The following PDS5B variants were observed in gnomAD, a reference collection of about 807,000 sequenced individuals.
The protein encoded by PDS5B is PDS5 cohesin associated factor B, also known as sister chromatid cohesion protein PDS5 homolog B.
A neutral mutation model predicts 184.1 loss-of-function variants in PDS5B; 51 were observed. The ratio of observed to expected loss-of-function variants is 0.28; its 90% CI spans 0.22 to 0.35. The LOEUF is 0.35. Among genes scored for constraint, PDS5B ranks in the 10% least tolerant of loss-of-function variants. The pLI is 1.00. For synonymous variants in PDS5B, 566 were observed against 569.2 expected, an observed-to-expected ratio of 0.99 and a Z score of 0.08; for missense variants, 1,180 against 1,723.3, an observed-to-expected ratio of 0.68 and a Z score of 5.58.
intron 17 of PDS5B, among the ~76,000 whole-genome samples, chr13:32,702,384 C>G (rs922025755): frequency 6.6e-6 from 1 of 152,168 alleles, no homozygotes; most frequent in Admixed American, 6.5e-5. Context: ...GAGGAAGACT[C>G]TGAATCAGAC....
chr13:32,591,537 A>G (rs1432075413), intron 1 of PDS5B, among the ~76,000 whole-genome samples: 1 of 152,200 alleles, frequency 6.6e-6, no homozygotes, highest in Non-Finnish European at 1.5e-5. Context: ...ATTATAACAT[A>G]ATTTATTTTT....
chr13:32,623,294 A>G (rs964309659), intron 1 of PDS5B, among the ~76,000 whole-genome samples: 1 of 152,204 alleles, frequency 6.6e-6, no homozygotes, highest in Admixed American at 6.5e-5. Flanking sequence ...CACTGGCTAC[A>G]TGATTCCTGA....
chr13:32,687,495 C>T lies in PDS5B; in HGVS notation c.1355+210C>T, dbSNP rs1005380138. On this transcript the variant is annotated intron_variant, in intron 12 of 34. Coordinates refer to ENST00000315596, the MANE Select transcript of PDS5B (RefSeq NM_015032.4). ...ACTTTAGGGATGGGTACAGGTTTTA[C>T]GTTCCATTTTCATATACTGTATTTG... Among the ~76,000 whole-genome samples, 8 of 152,172 alleles carry T rather than the reference C, an allele frequency of 5.3e-5. No homozygotes were observed. In the East Asian group the frequency reaches 1.5e-3, roughly 29 times the overall value.
intron 6 of PDS5B, among the ~76,000 whole-genome samples, chr13:32,662,228 A>G (rs545280891): frequency 4.6e-5 from 7 of 152,304 alleles, no homozygotes; most frequent in East Asian, 1.9e-4. Context: ...AGAGTTTTAT[A>G]TAATGAGAAA....
chr13:32,634,042 A>G lies in PDS5B; in HGVS notation c.-19-14712A>G, dbSNP rs372793337. Among the ~76,000 whole-genome samples the G allele has an allele frequency of 1.2e-4, 18 of 152,194 alleles. No homozygotes were observed. The South Asian group carries it at 1.7e-3, about 14-fold the overall frequency. On this transcript the variant is annotated intron_variant, in intron 1 of 34. Coordinates refer to ENST00000315596, the MANE Select transcript of PDS5B (RefSeq NM_015032.4). ...TGTTTTCTGTTATATCCTCTCTTCA[A>G]ATACTCTTATGTTATCTTCCAGTTG...
intron 1 of PDS5B, among the ~76,000 whole-genome samples, chr13:32,612,320 G>A (rs2021658): frequency 0.34 from 51,374 of 151,454 alleles, 8,927 homozygotes; most frequent in Non-Finnish European, 0.38. Context: ...CACTCACCTC[G>A]GCCTCCCAAA....
At chr13:32,676,009 C>T (rs758798515) in intron 9 of PDS5B, 50 bp downstream of exon 9, 37 of 1,011,286 alleles carry the variant, frequency 3.7e-5, no homozygotes, top group Middle Eastern at 2.3e-4. Flanking sequence ...TTCTACTGAC[C>T]GTTTTTTTAA....
At position 32,616,395 on chromosome 13, in the gene PDS5B, G is replaced by A. The variant is rs775561087; in HGVS notation, c.-20+29802G>A. On this transcript the variant is annotated intron_variant, in intron 1 of 34. Transcript: ENST00000315596. ...AAATTTTTTTATACTTTAAAAACAC[G>A]AATGGGATCATACTATGGATACTAT... Among the ~76,000 whole-genome samples, 9 of 151,860 alleles carry A rather than the reference G, an allele frequency of 5.9e-5. No individual in the cohort carries two copies. The South Asian group carries it at 1.5e-3, about 25-fold the overall frequency.
At position 32,634,118 on chromosome 13, in the gene PDS5B, A is replaced by G. The variant is rs544556088; in HGVS notation, c.-19-14636A>G. Among the ~76,000 whole-genome samples the G allele has an allele frequency of 2.6e-5, 4 of 152,254 alleles. No individual in the cohort carries two copies. In the East Asian group the frequency reaches 7.7e-4, roughly 29 times the overall value. ...GTGAGCCTCTTGCAGTCCCTCATAG[A>G]TTCCTGCAGTCTTCCTGTGTTCTAG... is the stretch of plus-strand genomic sequence containing the variant. On this transcript the variant is annotated intron_variant, in intron 1 of 34. Transcript: ENST00000315596.
chr13:32,652,057 C>G (rs1042974664), intron 3 of PDS5B, 50 bp downstream of exon 3: 2 of 1,256,200 alleles, frequency 1.6e-6, no homozygotes, highest in Admixed American at 1.7e-5. Flanking sequence ...TTTGATTTAT[C>G]TTTCTAACTA....
chr13:32,761,755 T>C (rs1286413789), intron 30 of PDS5B, among the ~76,000 whole-genome samples: 1 of 152,226 alleles, frequency 6.6e-6, no homozygotes, highest in Non-Finnish European at 1.5e-5. Context: ...TGAATAGTGC[T>C]GCATTAAACA....
chr13:32,598,751 TTGA>T (rs1186343620), intron 1 of PDS5B, among the ~76,000 whole-genome samples: 5 of 151,254 alleles, frequency 3.3e-5, no homozygotes, highest in Admixed American at 1.3e-4. Flanking sequence ...GAATTCTCAG[TTGA>T]TGGTTTTTTT....
chr13:32,718,128 T>G (rs988182528), intron 19 of PDS5B, among the ~76,000 whole-genome samples: 1 of 151,802 alleles, frequency 6.6e-6, no homozygotes, highest in Non-Finnish European at 1.5e-5. Context: ...ATAGATCATT[T>G]TTGATAGATG....
At position 32,694,077 on chromosome 13, in the gene PDS5B, A is replaced by G. The variant is rs1396532911; in HGVS notation, c.1470-146A>G. On this transcript the variant is annotated intron_variant, in intron 13 of 34. Transcript: ENST00000315596. ...ATTTGATTCCATTCTTTCCCTCTAC[A>G]CATTATCAGTTGCTTAGTCCTGTGA... 4 of 587,036 alleles carry G rather than the reference A, an allele frequency of 6.8e-6. No homozygotes were observed. In the African/African-American group the frequency reaches 7.9e-5, roughly 12 times the overall value. The allele number at this position is 587,036 out of a possible 1,614,324, so 36.4% of individuals were successfully genotyped here.
chr13:32,587,166 C>G (rs1040464324), intron 1 of PDS5B, among the ~76,000 whole-genome samples: 3 of 149,106 alleles, frequency 2.0e-5, no homozygotes, highest in African/African-American at 7.3e-5. Flanking sequence ...CGCGGGCGCT[C>G]TCGCCCCCGC....
intron 24 of PDS5B, 53 bp downstream of exon 24, chr13:32,746,153 A>G (rs1953734569): frequency 2.7e-6 from 4 of 1,503,654 alleles, no homozygotes; most frequent in Non-Finnish European, 3.7e-6. Flanking sequence ...ACTTTTAGGA[A>G]GGAAAAACAT....
intron 11 of PDS5B, among the ~76,000 whole-genome samples, chr13:32,685,187 G>A (rs1043989089): frequency 5.3e-5 from 8 of 152,186 alleles, no homozygotes; most frequent in South Asian, 2.1e-4. Context: ...CTGGTTGTGC[G>A]TGGAGGATAA....
At chr13:32,768,947 CAAAA>C (rs770324221) in intron 31 of PDS5B, among the ~76,000 whole-genome samples, 48 of 84,520 alleles carry the variant, frequency 5.7e-4, no homozygotes, top group African/African-American at 1.8e-3. Context: ...TAAAAAAATA[CAAAA>C]AAAAAAAAAA....
chr13:32,735,044 T>A (rs1217508139), intron 20 of PDS5B, 128 bp from the exon 21 acceptor site: 1 of 531,916 alleles, frequency 1.9e-6, no homozygotes, highest in African/African-American at 2.0e-5. Context: ...TTGAAATTTT[T>A]GTAGTTTTTA....
Sources: allele counts gnomAD v4.1 joint callset (sites outside exome capture counted in the v4.1 genomes callset), GRCh38; gene constraint gnomAD v4.1.1; transcripts MANE v1.5; gene names NCBI Gene and HGNC (gene_info 2026-07-23, HGNC 2026-07-21).